ALDH1L2: variants seen among roughly 807,000 people sequenced by gnomAD.
The protein encoded by ALDH1L2 is aldehyde dehydrogenase 1 family member L2, also known as mitochondrial 10-formyltetrahydrofolate dehydrogenase.
Under a neutral mutation model 111.0 loss-of-function variants are expected in ALDH1L2, and 91 were observed. The observed-to-expected ratio is 0.82, with a 90% CI of 0.69 to 0.98. The LOEUF is 0.98. ALDH1L2 is among the 50% of genes least tolerant of loss of function. ALDH1L2 has a pLI of 0.00. For synonymous variants in ALDH1L2, 374 were observed against 392.6 expected, an observed-to-expected ratio of 0.95 and a Z score of 0.56; for missense variants, 995 against 1,126.8, an observed-to-expected ratio of 0.88 and a Z score of 1.67.
rs1875125533 is a variant in ALDH1L2 at position 105,036,513 on chromosome 12, TTTATA to T, written c.2145+1585_2145+1589del. The stretch of plus-strand genomic sequence containing the variant: ...TATATTTATATATGTATATATATAT[TTTATA>T]TATATATATATATATATATATATAT... On this transcript the variant is annotated intron_variant, in intron 18 of 22. Transcript: ENST00000258494. 2.3e-3 allele frequency among the ~76,000 whole-genome samples: 126 copies of T among 53,830 alleles called. 16 individuals carry two copies. The highest frequency in any genetic ancestry group is 0.026 in the Middle Eastern group (2 of 76). 35.3% of individuals were successfully genotyped at this position (53,830 alleles called of 152,430 possible). A position where few individuals can be genotyped will look rare whatever the true frequency, so the allele number is the denominator to read the frequency against.
intron 4 of ALDH1L2, 100 bp downstream of exon 4, chr12:105,068,619 A>G (rs1877508618): frequency 1.7e-6 from 2 of 1,183,602 alleles, no homozygotes; most frequent in Admixed American, 6.6e-5. Flanking sequence ...TAAACTTTAT[A>G]TTTTTGGTGA....
chr12:105,055,162 AG>A (rs989342362), intron 10 of ALDH1L2, among the ~76,000 whole-genome samples: 24 of 152,192 alleles, frequency 1.6e-4, no homozygotes, highest in African/African-American at 5.5e-4. Context: ...CTGTGCAGGC[AG>A]GAAGTGTGAA....
intron 10 of ALDH1L2, among the ~76,000 whole-genome samples, chr12:105,053,531 A>C (rs1013325130): frequency 6.6e-6 from 1 of 152,238 alleles, no homozygotes; most frequent in African/African-American, 2.4e-5. Flanking sequence ...AAACTGAGGT[A>C]ATATATCAAT....
chr12:105,039,272 A>T (rs1036170141), intron 17 of ALDH1L2, among the ~76,000 whole-genome samples: 1 of 152,186 alleles, frequency 6.6e-6, no homozygotes, highest in Non-Finnish European at 1.5e-5. Context: ...ACATTGACAT[A>T]TTTTAACAAC....
intron 20 of ALDH1L2, among the ~76,000 whole-genome samples, chr12:105,031,312 T>C (rs532549504): frequency 1.7e-4 from 26 of 152,306 alleles, no homozygotes; most frequent in Non-Finnish European, 3.5e-4. Flanking sequence ...TCCTGTTCCT[T>C]CCTCCCTCCC....
At chr12:105,027,438 C>T (rs946660141) in intron 21 of ALDH1L2, among the ~76,000 whole-genome samples, 2 of 152,172 alleles carry the variant, frequency 1.3e-5, no homozygotes, top group South Asian at 4.1e-4. Flanking sequence ...AAGGTTCAAG[C>T]CTCCTTCAGT....
At chr12:105,063,957 T>C (rs1190029715) in intron 6 of ALDH1L2, among the ~76,000 whole-genome samples, 1 of 143,570 alleles carries the variant, frequency 7.0e-6, no homozygotes, top group African/African-American at 2.6e-5. Flanking sequence ...TGAGTTAACA[T>C]GTATTAATTC....
Position 105,084,454 on chromosome 12 carries a change from G to T in ALDH1L2, c.-18C>A, listed in dbSNP as rs1878498837. On this transcript the variant is annotated 5_prime_UTR_variant, in exon 1 of 23. Transcript: ENST00000258494. Reference sequence around the variant, plus strand: ...CGCAGCATGCTGGAGAGGAGCGCTAGCACTGGCGACGCGGCAGCGCGGGAG... The same window carrying T: ...CGCAGCATGCTGGAGAGGAGCGCTATCACTGGCGACGCGGCAGCGCGGGAG... 2.1e-6 allele frequency: 3 copies of T among 1,422,572 alleles called. No homozygotes were observed. The highest frequency in any genetic ancestry group is 2.7e-6 in the Non-Finnish European group (3 of 1,093,752). The allele number at this position is 1,422,572 out of a possible 1,614,324, so 88.1% of individuals were successfully genotyped here.
intron 22 of ALDH1L2, 33 bp downstream of exon 22, chr12:105,026,512 A>T: frequency 6.2e-7 from 1 of 1,611,986 alleles, no homozygotes; most frequent in South Asian, 1.1e-5. Context: ...TGTGACAACA[A>T]AGGGAAGGTG....
chr12:105,077,323 T>G (rs1592812249), intron 1 of ALDH1L2, among the ~76,000 whole-genome samples: 1 of 151,518 alleles, frequency 6.6e-6, no homozygotes. Context: ...TAGGCTTGAG[T>G]GCAATGGCGC....
chr12:105,074,612 G>A lies in ALDH1L2; in HGVS notation c.49-607C>T, dbSNP rs931328107. ...CTTCCATGTTAGCATGTGGCTCCAC[G>A]GGGATCTGAACTTAGGATGTTTATC... On this transcript the variant is annotated intron_variant, in intron 1 of 22. Transcript: ENST00000258494. Among the ~76,000 whole-genome samples the A allele has an allele frequency of 7.2e-5, 11 of 152,158 alleles. No individual in the cohort carries two copies. In the South Asian group the frequency reaches 1.2e-3, roughly 17 times the overall value.
intron 9 of ALDH1L2, among the ~76,000 whole-genome samples, chr12:105,059,642 T>A (rs58575405): frequency 6.6e-6 from 1 of 152,328 alleles, no homozygotes; most frequent in African/African-American, 2.4e-5. Context: ...TGATTGTTTT[T>A]GATTTCTGGA....
chr12:105,043,736 T>G (rs1337267228), intron 15 of ALDH1L2, among the ~76,000 whole-genome samples: 3 of 152,230 alleles, frequency 2.0e-5, no homozygotes, highest in Non-Finnish European at 4.4e-5. Flanking sequence ...TTGGTTTTCT[T>G]CCATTTGGCT....
At chr12:105,036,259 A>ATT (rs1294030930) in intron 18 of ALDH1L2, among the ~76,000 whole-genome samples, 2 of 54,902 alleles carry the variant, frequency 3.6e-5, no homozygotes, top group Admixed American at 2.5e-4. Context: ...ATGTGTATAT[A>ATT]ATATATACAC....
intron 12 of ALDH1L2, among the ~76,000 whole-genome samples, chr12:105,050,947 A>G (rs1363029093): frequency 6.6e-6 from 1 of 152,138 alleles, no homozygotes; most frequent in Non-Finnish European, 1.5e-5. Flanking sequence ...ACACAGCCAA[A>G]TCATATCATT....
At position 105,035,883 on chromosome 12, in the gene ALDH1L2, A is replaced by G. The variant is rs551777002; in HGVS notation, c.2146-1485T>C. Among the ~76,000 whole-genome samples, 57 of 138,014 alleles carry G rather than the reference A, an allele frequency of 4.1e-4. 12 individuals carry two copies. Among genetic ancestry groups the G allele is most frequent in the African/African-American group, 1.5e-3 (55 of 35,818 alleles). 90.5% of individuals were successfully genotyped at this position (138,014 alleles called of 152,430 possible). Reference sequence around the variant, plus strand: ...TGTGTGTGTATACACACACACATATATATACGTATATTTATATGTGTATAT... The same window carrying G: ...TGTGTGTGTATACACACACACATATGTATACGTATATTTATATGTGTATAT... On this transcript the variant is annotated intron_variant, in intron 18 of 22. Transcript: ENST00000258494.
rs199616223 is a variant in ALDH1L2, at chr12:105,059,739, C to G, written c.1139+1242G>C. On this transcript the variant is annotated intron_variant, in intron 9 of 22. Transcript: ENST00000258494. Reference sequence around the variant, plus strand: ...CTGTTCCTGACATGTAGTAAGTGTTCAGTCAGTGTTGTTAAGTAAATGAGT... The same window carrying G: ...CTGTTCCTGACATGTAGTAAGTGTTGAGTCAGTGTTGTTAAGTAAATGAGT... Among the ~76,000 whole-genome samples, 27 of 152,286 alleles carry G rather than the reference C, an allele frequency of 1.8e-4. No homozygotes were observed. The East Asian group carries it at 1.9e-3, about 11-fold the overall frequency.
chr12:105,070,623 G>T lies in ALDH1L2; in HGVS notation c.375C>A (p.Ile125=), dbSNP rs1046749457. The T allele has an allele frequency of 6.8e-6, 11 of 1,614,008 alleles. No homozygotes were observed. Among genetic ancestry groups the T allele is most frequent in the Admixed American group, 6.7e-5 (4 of 60,000 alleles). Residue 125 remains isoleucine, a synonymous_variant, in exon 3 of 23, where the codon ATC becomes ATA. Coordinates refer to ENST00000258494, the MANE Select transcript of ALDH1L2 (RefSeq NM_001034173.4). ...DIIDSPKHGS[I]IYHPSILPRH... ...TGGGCAGGATGGATGGGTGATAAAT[G>T]ATAGAGCCGTGCTTTGGACTATCAA... is the stretch of plus-strand genomic sequence containing the variant.
rs774603209 is a variant in ALDH1L2 at position 105,031,794 on chromosome 12, G to A, written c.2385C>T (p.Tyr795=). 4.7e-5 allele frequency: 76 copies of A among 1,613,950 alleles called. No individual in the cohort carries two copies. Among genetic ancestry groups the A allele is most frequent in the African/African-American group, 9.3e-5 (7 of 74,894 alleles). ...TGVKEGATLV[Y]GGRQVQRPGF... is the part of the protein sequence containing the mutation. ...CTGGCCTTTGGACTTGTCTTCCCCC[G>A]TACACCAAAGTGGCCCCTTCTTTCA... The change falls in exon 20 of 23, where the codon TAC becomes TAT. Residue 795 remains tyrosine, a synonymous_variant. Coordinates refer to ENST00000258494, the MANE Select transcript of ALDH1L2 (RefSeq NM_001034173.4).
Sources: gnomAD v4.1 joint callset for allele counts (sites outside exome capture counted in the v4.1 genomes callset) on GRCh38, gnomAD v4.1.1 for gene constraint, MANE v1.5 for transcripts, NCBI Gene and HGNC (gene_info 2026-07-23, HGNC 2026-07-21) for gene names.